Variants in PDE4D observed in about 807,000 individuals in gnomAD.
PDE4D encodes the protein 3',5'-cyclic-AMP phosphodiesterase 4D.
Under a neutral mutation model 87.4 loss-of-function variants are expected in PDE4D, and 24 were observed. That is an observed-to-expected ratio of 0.27 (90% CI 0.20 to 0.39). The LOEUF (loss-of-function observed/expected upper bound fraction) is 0.39, where lower values mean the gene tolerates loss of function less well. PDE4D is among the 10% of genes least tolerant of loss of function. The pLI, the probability that PDE4D is intolerant of heterozygous loss-of-function variation, is 1.00. For synonymous variants in PDE4D, 384 were observed against 383.2 expected (o/e 1.00, Z -0.02); for missense variants, 714 against 1,041.0 (o/e 0.69, Z 4.32).
chr5:59,915,913 T>C (rs991793753), intron 3 of PDE4D, among the ~76,000 whole-genome samples: 2 of 152,214 alleles, frequency 1.3e-5, no homozygotes, highest in Non-Finnish European at 2.9e-5. Flanking sequence ...GAACTAAACA[T>C]GAAACATACA....
intron 5 of PDE4D, among the ~76,000 whole-genome samples, chr5:59,159,424 C>T (rs1399070673): frequency 6.6e-6 from 1 of 152,176 alleles, no homozygotes; most frequent in Non-Finnish European, 1.5e-5. Flanking sequence ...TGAGCCACCA[C>T]ACCTAGACAG....
intron 11 of PDE4D, among the ~76,000 whole-genome samples, chr5:58,984,809 G>C (rs1373703067): frequency 6.6e-6 from 1 of 152,040 alleles, no homozygotes; most frequent in Non-Finnish European, 1.5e-5. Context: ...GCTATATTCT[G>C]TACTTTTGAT....
intron 5 of PDE4D, among the ~76,000 whole-genome samples, chr5:59,170,463 T>C (rs1782582843): frequency 6.6e-6 from 1 of 152,232 alleles, no homozygotes; most frequent in Non-Finnish European, 1.5e-5. Flanking sequence ...TATTGAAATA[T>C]TGTTAGGGCG....
At chr5:60,378,004 T>A (rs941357031) in intron 1 of PDE4D, among the ~76,000 whole-genome samples, 1 of 152,228 alleles carries the variant, frequency 6.6e-6, no homozygotes, top group Admixed American at 6.5e-5. Context: ...TTGGAAGTGA[T>A]GACTACATCC....
At chr5:59,030,568 C>T (rs1242160985) in intron 6 of PDE4D, among the ~76,000 whole-genome samples, 1 of 151,706 alleles carries the variant, frequency 6.6e-6, no homozygotes, top group Non-Finnish European at 1.5e-5. Context: ...GCAAGACCCT[C>T]TCTATACGAA....
intron 5 of PDE4D, among the ~76,000 whole-genome samples, chr5:59,108,251 T>C (rs1365771485): frequency 2.0e-5 from 3 of 152,218 alleles, no homozygotes; most frequent in African/African-American, 7.2e-5. Flanking sequence ...CACTCACTAG[T>C]CAAGACTTAT....
chr5:59,680,695 C>CT (rs2150362015), intron 1 of PDE4D, among the ~76,000 whole-genome samples: 1 of 152,182 alleles, frequency 6.6e-6, no homozygotes, highest in South Asian at 2.1e-4. Flanking sequence ...CCTTACTTCT[C>CT]TTTTTCCATA....
At chr5:60,265,357 A>T (rs1288188909) in intron 1 of PDE4D, among the ~76,000 whole-genome samples, 5 of 152,184 alleles carry the variant, frequency 3.3e-5, no homozygotes, top group Non-Finnish European at 7.3e-5. Flanking sequence ...TTGTTTGAAT[A>T]ATTCCACAGG....
At chr5:59,988,722 G>C in intron 2 of PDE4D, 3 of 1,533,490 alleles carry the variant, frequency 2.0e-6, no homozygotes, top group Non-Finnish European at 2.7e-6. Context: ...AGAGGCCTGA[G>C]GTAATAATTC....
At chr5:59,886,309 C>T (rs1410928757) in intron 1 of PDE4D, among the ~76,000 whole-genome samples, 1 of 151,884 alleles carries the variant, frequency 6.6e-6, no homozygotes, top group South Asian at 2.1e-4. Context: ...CGAGGTCAAG[C>T]GTTTCAGACC....
chr5:59,564,480 C>A (rs553825016), intron 1 of PDE4D, among the ~76,000 whole-genome samples: 1 of 152,200 alleles, frequency 6.6e-6, no homozygotes, highest in East Asian at 1.9e-4. Flanking sequence ...ATAATTTTGT[C>A]CAAACACGAG....
At position 59,334,247 on chromosome 5, in the gene PDE4D, GTTTTTTTTT is replaced by G. The variant is rs564248041; in HGVS notation, c.456-118288_456-118280del. Among the ~76,000 whole-genome samples the G allele has an allele frequency of 1.1e-3, 106 of 98,618 alleles. 1 individual carries two copies. Among genetic ancestry groups the G allele is most frequent in the East Asian group, 2.2e-3 (7 of 3,240 alleles). 64.7% of individuals were successfully genotyped at this position (98,618 alleles called of 152,430 possible). On this transcript the variant is annotated intron_variant, in intron 1 of 14. Transcript: ENST00000340635. Reference sequence around the variant, plus strand: ...AAGTTGGAAGAGAGGATCCAGTGGAGTTTTTTTTTTTTTTTTTTTTTTTTTTTTGGAGAT... The same window carrying G: ...AAGTTGGAAGAGAGGATCCAGTGGAGTTTTTTTTTTTTTTTTTTTGGAGAT...
intron 1 of PDE4D, among the ~76,000 whole-genome samples, chr5:59,479,464 T>G (rs1803873893): frequency 6.6e-6 from 1 of 152,152 alleles, no homozygotes; most frequent in Admixed American, 6.6e-5. Flanking sequence ...GTATTTTCTA[T>G]TTTTTAATCC....
At chr5:60,493,942 T>A (rs988989393) in intron 1 of PDE4D, among the ~76,000 whole-genome samples, 1 of 151,920 alleles carries the variant, frequency 6.6e-6, no homozygotes, top group African/African-American at 2.4e-5. Context: ...ATTGGAAAAA[T>A]TGAGGGATGT....
chr5:60,267,232 T>A (rs1254217333), intron 1 of PDE4D, among the ~76,000 whole-genome samples: 1 of 152,208 alleles, frequency 6.6e-6, no homozygotes, highest in Non-Finnish European at 1.5e-5. Flanking sequence ...GAGGAAATCT[T>A]CATCAGGGCC....
At chr5:59,754,871 G>A (rs1761005665) in intron 1 of PDE4D, among the ~76,000 whole-genome samples, 1 of 143,008 alleles carries the variant, frequency 7.0e-6, no homozygotes. Context: ...TACAGTGTGG[G>A]AAAACAGAGT....
rs867827276 is a variant in PDE4D, at chr5:59,326,535, A to G, written c.456-110567T>C. Among the ~76,000 whole-genome samples, 73 of 152,208 alleles carry G rather than the reference A, an allele frequency of 4.8e-4. 1 individual carries two copies. The highest frequency in any genetic ancestry group is 2.1e-4 in the Non-Finnish European group (14 of 68,016). Reference sequence around the variant, plus strand: ...TACACACTCTGGATTTTGAAGACTTAGTATGAAAAAAATAATTTCACTGAC... The same window carrying G: ...TACACACTCTGGATTTTGAAGACTTGGTATGAAAAAAATAATTTCACTGAC... On this transcript the variant is annotated intron_variant, in intron 1 of 14. Transcript: ENST00000340635.
At chr5:59,722,616 A>G (rs11738977) in intron 1 of PDE4D, among the ~76,000 whole-genome samples, 45,906 of 152,098 alleles carry the variant, frequency 0.3, 7,168 homozygotes, top group Middle Eastern at 0.5. Flanking sequence ...TAAGAAATCT[A>G]AAGTGAGTAG....
intron 1 of PDE4D, among the ~76,000 whole-genome samples, chr5:59,383,718 A>T (rs1056198213): frequency 3.9e-5 from 6 of 152,196 alleles, no homozygotes; most frequent in Non-Finnish European, 8.8e-5. Flanking sequence ...TGAAAAAACC[A>T]AATATAAAAA....
Sources: gnomAD v4.1 joint callset for allele counts (sites outside exome capture counted in the v4.1 genomes callset) on GRCh38, gnomAD v4.1.1 for gene constraint, MANE v1.5 for transcripts, NCBI Gene and HGNC (gene_info 2026-07-23, HGNC 2026-07-21) for gene names.